Variants in PRKD1 observed in about 807,000 individuals in gnomAD.
The protein encoded by PRKD1 is serine/threonine-protein kinase D1.
In PRKD1, 63 loss-of-function variants were observed where a neutral mutation model predicts 95.9. The ratio of observed to expected loss-of-function variants is 0.66; its 90% CI spans 0.54 to 0.81. The LOEUF is 0.81. Among genes scored for constraint, PRKD1 ranks in the 30% least tolerant of loss-of-function variants. The probability of loss-of-function intolerance (pLI) is 0.00; values close to 1 mark genes in which losing one functional copy is unlikely to be tolerated. For missense variants in PRKD1, 1,048 were observed against 1,165.3 expected (o/e 0.90, Z 1.47); for synonymous variants, 425 against 423.1 (o/e 1.00, Z -0.05).
intron 1 of PRKD1, among the ~76,000 whole-genome samples, chr14:29,924,633 G>A (rs1376076833): frequency 6.6e-6 from 1 of 152,182 alleles, no homozygotes; most frequent in Non-Finnish European, 1.5e-5. Context: ...TCTGCTGTAA[G>A]TTCCACACGA....
At chr14:29,589,501 C>G (rs1893051529) in intron 16 of PRKD1, among the ~76,000 whole-genome samples, 1 of 152,160 alleles carries the variant, frequency 6.6e-6, no homozygotes, top group Non-Finnish European at 1.5e-5. Context: ...CTTGACTATT[C>G]TTTGTGTGGA....
chr14:29,795,447 A>G (rs2139204273), intron 1 of PRKD1, among the ~76,000 whole-genome samples: 1 of 152,188 alleles, frequency 6.6e-6, no homozygotes, highest in African/African-American at 2.4e-5. Context: ...TTCCCATTAT[A>G]TGCTCACCTA....
chr14:29,592,982 G>C (rs1189296910), intron 16 of PRKD1, among the ~76,000 whole-genome samples: 1 of 152,236 alleles, frequency 6.6e-6, no homozygotes, highest in Non-Finnish European at 1.5e-5. Context: ...TCCTGGATAA[G>C]AGCATCTGCC....
At chr14:29,817,989 A>G (rs148045122) in intron 1 of PRKD1, among the ~76,000 whole-genome samples, 125 of 152,366 alleles carry the variant, frequency 8.2e-4, no homozygotes, top group African/African-American at 3.0e-3. Flanking sequence ...GGAGGTTATC[A>G]TAAACAATGA....
intron 13 of PRKD1, among the ~76,000 whole-genome samples, chr14:29,611,343 T>C (rs1226080287): frequency 2.0e-5 from 3 of 152,090 alleles, no homozygotes; most frequent in Non-Finnish European, 2.9e-5. Context: ...TCTCTTTAAA[T>C]AAAACAAACA....
chr14:29,826,801 A>ATG, intron 1 of PRKD1, among the ~76,000 whole-genome samples: 1 of 42,038 alleles, frequency 2.4e-5, no homozygotes, highest in African/African-American at 1.1e-4. Flanking sequence ...ACATATATAT[A>ATG]CACATATATA....
chr14:29,884,760 G>C (rs1893636412), intron 1 of PRKD1, among the ~76,000 whole-genome samples: 1 of 152,222 alleles, frequency 6.6e-6, no homozygotes, highest in Non-Finnish European at 1.5e-5. Flanking sequence ...AGGATGCAGA[G>C]TGGAGCAAGC....
At chr14:29,919,430 A>T (rs1442994251) in intron 1 of PRKD1, among the ~76,000 whole-genome samples, 1 of 152,068 alleles carries the variant, frequency 6.6e-6, no homozygotes, top group Admixed American at 6.5e-5. Context: ...ATATTTAATG[A>T]TCTGTTTTTC....
chr14:29,826,832 T>TATAC (rs1566623138), intron 1 of PRKD1, among the ~76,000 whole-genome samples: 6 of 28,768 alleles, frequency 2.1e-4, no homozygotes, highest in East Asian at 1.2e-3. Flanking sequence ...TATATATATA[T>TATAC]ATATATACAC....
At chr14:29,727,088 A>G (rs1171607748) in intron 1 of PRKD1, among the ~76,000 whole-genome samples, 2 of 152,076 alleles carry the variant, frequency 1.3e-5, no homozygotes, top group Admixed American at 1.3e-4. Context: ...AATGATTGCC[A>G]TTCTAACTGG....
chr14:29,729,747 T>C (rs1368825675), intron 1 of PRKD1, among the ~76,000 whole-genome samples: 1 of 152,068 alleles, frequency 6.6e-6, no homozygotes, highest in Non-Finnish European at 1.5e-5. Flanking sequence ...GTATTATTGA[T>C]TTGAGACATT....
At chr14:29,916,467 G>A (rs59894015) in intron 1 of PRKD1, among the ~76,000 whole-genome samples, 1,568 of 152,242 alleles carry the variant, frequency 0.01, 28 homozygotes, top group African/African-American at 0.034. Flanking sequence ...CACCACCACT[G>A]ATTCAAAGTC....
At chr14:29,785,217 C>T (rs1889213154) in intron 1 of PRKD1, among the ~76,000 whole-genome samples, 1 of 152,168 alleles carries the variant, frequency 6.6e-6, no homozygotes, top group Non-Finnish European at 1.5e-5. Flanking sequence ...GGTTTGTAAA[C>T]TGATATTGCC....
chr14:29,704,306 C>T (rs761513174), intron 2 of PRKD1, among the ~76,000 whole-genome samples: 21 of 152,082 alleles, frequency 1.4e-4, no homozygotes, highest in Non-Finnish European at 2.5e-4. Context: ...CTACTCAATT[C>T]CTATGGAATG....
chr14:29,794,394 G>C (rs974588804), intron 1 of PRKD1, among the ~76,000 whole-genome samples: 2 of 151,450 alleles, frequency 1.3e-5, no homozygotes, highest in African/African-American at 4.8e-5. Flanking sequence ...AATTATCAAG[G>C]TTTTTTTTGA....
intron 1 of PRKD1, among the ~76,000 whole-genome samples, chr14:29,874,920 C>T (rs1312415506): frequency 6.6e-6 from 1 of 152,000 alleles, no homozygotes; most frequent in Non-Finnish European, 1.5e-5. Flanking sequence ...TCTAATGTTC[C>T]AAAGCAGACC....
Position 29,785,382 on chromosome 14 carries a change from A to G in PRKD1, c.265-59708T>C, listed in dbSNP as rs138214675. 5.5e-4 allele frequency among the ~76,000 whole-genome samples: 83 copies of G among 152,192 alleles called. 1 individual carries two copies. In the East Asian group the frequency reaches 0.014, roughly 25 times the overall value. On this transcript the variant is annotated intron_variant, in intron 1 of 17. Transcript: ENST00000331968. ...CTTTTTTGGCTACTTTGTTACTGGT[A>G]TGTAAATATGCTATTGATTTTCGTA...
intron 2 of PRKD1, among the ~76,000 whole-genome samples, chr14:29,679,826 C>G (rs1258137542): frequency 1.3e-5 from 2 of 151,374 alleles, no homozygotes; most frequent in Non-Finnish European, 2.9e-5. Context: ...CTCTCAGGTT[C>G]CAGCAATTCT....
At chr14:29,670,854 G>A (rs988722961) in intron 2 of PRKD1, among the ~76,000 whole-genome samples, 9 of 152,050 alleles carry the variant, frequency 5.9e-5, no homozygotes, top group Admixed American at 3.3e-4. Flanking sequence ...GTTATACCTG[G>A]AAACATCTAG....
Sources: gnomAD v4.1 joint callset for allele counts (sites outside exome capture counted in the v4.1 genomes callset) on GRCh38, gnomAD v4.1.1 for gene constraint, MANE v1.5 for transcripts, NCBI Gene and HGNC (gene_info 2026-07-23, HGNC 2026-07-21) for gene names.